The following GPHN variants were observed in gnomAD, a reference collection of about 807,000 sequenced individuals.
GPHN encodes the protein gephyrin.
In GPHN, 17 loss-of-function variants were observed where a neutral mutation model predicts 95.5. The ratio of observed to expected loss-of-function variants is 0.18; its 90% CI spans 0.12 to 0.27. The LOEUF is 0.27. GPHN is among the 10% of genes least tolerant of loss of function. The pLI, the probability that GPHN is intolerant of heterozygous loss-of-function variation, is 1.00. For synonymous variants in GPHN, 320 were observed against 322.5 expected, an observed-to-expected ratio of 0.99 and a Z score of 0.08; for missense variants, 660 against 978.1, an observed-to-expected ratio of 0.67 and a Z score of 4.34.
At chr14:66,944,087 G>A (rs2153574705) in intron 8 of GPHN, among the ~76,000 whole-genome samples, 2 of 152,214 alleles carry the variant, frequency 1.3e-5, no homozygotes, top group East Asian at 3.9e-4. Context: ...AAAACATAAA[G>A]GCCATTTAAA....
At chr14:66,812,988 G>A (rs933058326) in intron 3 of GPHN, among the ~76,000 whole-genome samples, 1 of 152,154 alleles carries the variant, frequency 6.6e-6, no homozygotes, top group Non-Finnish European at 1.5e-5. Flanking sequence ...GGGTTATACA[G>A]TATCAATTTA....
At chr14:66,775,331 C>T (rs1293966312) in intron 2 of GPHN, among the ~76,000 whole-genome samples, 7 of 151,940 alleles carry the variant, frequency 4.6e-5, no homozygotes, top group South Asian at 2.1e-4. Flanking sequence ...CCTTGGTAAG[C>T]GCTGAATTAG....
intron 3 of GPHN, among the ~76,000 whole-genome samples, chr14:66,781,417 A>G (rs971453217): frequency 2.0e-5 from 3 of 152,030 alleles, no homozygotes; most frequent in South Asian, 4.1e-4. Context: ...GGGTTTTGCT[A>G]TGTGGGCCAG....
chr14:67,555,839 G>A, the GPHN span: 1 of 1,613,318 alleles, frequency 6.2e-7, no homozygotes. Context: ...AGGAGCTGGA[G>A]CAGAGGCTGC....
the GPHN span, among the ~76,000 whole-genome samples, chr14:67,222,615 G>T: frequency 8.1e-4 from 124 of 152,244 alleles, no homozygotes; most frequent in Admixed American, 1.4e-3. Context: ...GGGGAGTGAT[G>T]ATTTTTCTTT....
intron 20 of GPHN, among the ~76,000 whole-genome samples, chr14:67,166,279 G>A (rs1221639970): frequency 6.6e-6 from 1 of 152,304 alleles, no homozygotes. Context: ...AAACGCCTTA[G>A]GACCTTTCAT....
chr14:67,232,260 A>G, the GPHN span, among the ~76,000 whole-genome samples: 1 of 152,192 alleles, frequency 6.6e-6, no homozygotes, highest in East Asian at 1.9e-4. Context: ...CAGCTGTCAC[A>G]TCCTTAGATC....
the GPHN span, among the ~76,000 whole-genome samples, chr14:67,261,821 A>G: frequency 3.9e-5 from 6 of 152,138 alleles, no homozygotes; most frequent in East Asian, 1.2e-3. Flanking sequence ...ATCAGGTACT[A>G]AAATAAACTT....
intron 9 of GPHN, among the ~76,000 whole-genome samples, chr14:67,008,176 C>T (rs769288422): frequency 3.3e-5 from 5 of 152,068 alleles, no homozygotes; most frequent in Non-Finnish European, 5.9e-5. Context: ...ATTAGTCGAC[C>T]AGGCGTGGTG....
At chr14:67,690,424 G>C in the GPHN span, 1 of 1,613,358 alleles carries the variant, frequency 6.2e-7, no homozygotes, top group Non-Finnish European at 8.5e-7. Flanking sequence ...GAAGTGACCT[G>C]TTGAGAAATA....
chr14:67,659,901 G>T, the GPHN span: 5 of 1,613,728 alleles, frequency 3.1e-6, no homozygotes, highest in East Asian at 1.1e-4. Context: ...GCATAACGTA[G>T]CTCCTCCTCC....
intron 2 of GPHN, among the ~76,000 whole-genome samples, chr14:66,683,763 G>T (rs1224318851): frequency 3.3e-5 from 5 of 151,580 alleles, no homozygotes; most frequent in Non-Finnish European, 7.4e-5. Context: ...GGATCATGAG[G>T]TCAGGAGATC....
chr14:67,279,454 C>T, the GPHN span: 1 of 1,612,758 alleles, frequency 6.2e-7, no homozygotes, highest in South Asian at 1.1e-5. Flanking sequence ...CAAATTCCTC[C>T]AAAGACCGGA....
At chr14:66,842,469 G>T (rs1416823447) in intron 4 of GPHN, among the ~76,000 whole-genome samples, 1 of 152,154 alleles carries the variant, frequency 6.6e-6, no homozygotes, top group Non-Finnish European at 1.5e-5. Flanking sequence ...TGCACTGGAG[G>T]TAAGTGTGAA....
At chr14:67,505,987 AC>A in the GPHN span, among the ~76,000 whole-genome samples, 1 of 152,104 alleles carries the variant, frequency 6.6e-6, no homozygotes, top group Non-Finnish European at 1.5e-5. Flanking sequence ...GGTGTGAGCC[AC>A]CTCACCTGGC....
At chr14:67,027,038 A>G (rs1567227823) in intron 10 of GPHN, among the ~76,000 whole-genome samples, 1 of 152,224 alleles carries the variant, frequency 6.6e-6, no homozygotes, top group Non-Finnish European at 1.5e-5. Context: ...TATCTAAGCA[A>G]TAGGTAAGAA....
chr14:67,249,295 G>A, the GPHN span, among the ~76,000 whole-genome samples: 1 of 152,174 alleles, frequency 6.6e-6, no homozygotes, highest in African/African-American at 2.4e-5. Context: ...AAATCAGCAG[G>A]AGAAATGACA....
At chr14:67,059,308 A>G (rs1478118614) in intron 11 of GPHN, among the ~76,000 whole-genome samples, 3 of 152,182 alleles carry the variant, frequency 2.0e-5, no homozygotes, top group Non-Finnish European at 2.9e-5. Flanking sequence ...TTAATTAACA[A>G]CTTCCATTTC....
the GPHN span, among the ~76,000 whole-genome samples, chr14:67,625,521 C>CA: frequency 2.0e-5 from 3 of 149,968 alleles, no homozygotes; most frequent in Non-Finnish European, 4.5e-5. Flanking sequence ...ACTAAAAATA[C>CA]AAAAAAAAAT....
Sources: gnomAD v4.1 joint callset for allele counts (sites outside exome capture counted in the v4.1 genomes callset) on GRCh38, gnomAD v4.1.1 for gene constraint, MANE v1.5 for transcripts, NCBI Gene and HGNC (gene_info 2026-07-23, HGNC 2026-07-21) for gene names.